The following GTF2E2 variants were observed in gnomAD, a reference collection of about 807,000 sequenced individuals.
GTF2E2 encodes transcription initiation factor IIE subunit beta.
A neutral mutation model predicts 40.5 loss-of-function variants in GTF2E2; 21 were observed. The observed-to-expected ratio is 0.52, with a 90% CI of 0.37 to 0.75. The LOEUF (loss-of-function observed/expected upper bound fraction) is 0.75. GTF2E2 is among the 30% of genes least tolerant of loss of function. The pLI is 0.00. For synonymous variants in GTF2E2, 117 were observed against 121.6 expected (o/e 0.96, Z 0.25); for missense variants, 298 against 338.4 (o/e 0.88, Z 0.94).
At chr8:30,629,308 T>G (rs752583008) in intron 3 of GTF2E2, among the ~76,000 whole-genome samples, 2 of 152,196 alleles carry the variant, frequency 1.3e-5, no homozygotes, top group Non-Finnish European at 2.9e-5. Flanking sequence ...CCAGAGTTTC[T>G]AAATTCAAAA....
chr8:30,647,039 T>C (rs1197537826), intron 2 of GTF2E2, among the ~76,000 whole-genome samples: 4 of 147,368 alleles, frequency 2.7e-5, no homozygotes, highest in African/African-American at 1.0e-4. Context: ...AGACAAGTAT[T>C]TAAAAGTAAA....
intron 3 of GTF2E2, among the ~76,000 whole-genome samples, chr8:30,632,873 T>C (rs1462029491): frequency 6.6e-6 from 1 of 152,206 alleles, no homozygotes; most frequent in Non-Finnish European, 1.5e-5. Flanking sequence ...AAGATTCTGA[T>C]ATCACAAAAT....
chr8:30,649,097 G>T (rs1302423441), intron 2 of GTF2E2, among the ~76,000 whole-genome samples: 1 of 151,946 alleles, frequency 6.6e-6, no homozygotes, highest in South Asian at 2.1e-4. Context: ...TTACATTTTT[G>T]TTTATGATGA....
chr8:30,593,753 A>C (rs1213507017), intron 6 of GTF2E2, among the ~76,000 whole-genome samples: 1 of 152,136 alleles, frequency 6.6e-6, no homozygotes, highest in East Asian at 1.9e-4. Flanking sequence ...AAGTGCTGGG[A>C]TCACAGGTGT....
intron 2 of GTF2E2, chr8:30,645,957 T>TA (rs1802059781): frequency 5.8e-6 from 1 of 172,344 alleles, no homozygotes; most frequent in Non-Finnish European, 1.2e-5. Flanking sequence ...AGACAAAAAA[T>TA]AGTGTGTTGG....
At chr8:30,625,662 G>A (rs1236500242) in intron 3 of GTF2E2, among the ~76,000 whole-genome samples, 3 of 152,052 alleles carry the variant, frequency 2.0e-5, no homozygotes, top group African/African-American at 4.8e-5. Context: ...ACAGTGGCAC[G>A]ATCTCGGCTC....
intron 2 of GTF2E2, chr8:30,645,586 G>A: frequency 2.0e-6 from 3 of 1,535,546 alleles, no homozygotes; most frequent in Non-Finnish European, 2.6e-6. Flanking sequence ...ACGTGAAACT[G>A]AAGTGGTCTA....
intron 5 of GTF2E2, among the ~76,000 whole-genome samples, chr8:30,608,791 C>T (rs2151125765): frequency 6.6e-6 from 1 of 152,334 alleles, no homozygotes; most frequent in South Asian, 2.1e-4. Context: ...ACTCTGTCAA[C>T]CAGGCTGGAG....
intron 3 of GTF2E2, among the ~76,000 whole-genome samples, chr8:30,624,692 C>G (rs912913596): frequency 5.9e-5 from 9 of 151,964 alleles, no homozygotes; most frequent in Non-Finnish European, 1.0e-4. Context: ...TTTCATTGAG[C>G]AGTGGTTTGT....
rs1373700874 is a variant in GTF2E2 at position 30,580,360 on chromosome 8, G to A, written c.680C>T (p.Ser227Phe). Residue 227 changes from serine to phenylalanine, a missense_variant, in exon 7 of 8, where the codon TCC becomes TTC. By Grantham distance (155) the Ser-to-Phe change is radical. Coordinates refer to ENST00000355904, the MANE Select transcript of GTF2E2 (RefSeq NM_002095.6). ...QKLWRSVTVD[S>F]MDEEKIEEYL... is the part of the protein sequence containing the mutation. ...TTCTTCAATTTTCTCCTCGTCCATGGAATCTACAGTGACACTCCTCCACAG... is the reference window on the plus strand; with the variant it reads ...TTCTTCAATTTTCTCCTCGTCCATGAAATCTACAGTGACACTCCTCCACAG... 1.2e-6 allele frequency: 2 copies of A among 1,603,246 alleles called. No individual in the cohort carries two copies. Among genetic ancestry groups the A allele is most frequent in the African/African-American group, 1.3e-5 (1 of 74,692 alleles).
intron 3 of GTF2E2, among the ~76,000 whole-genome samples, chr8:30,615,864 TC>T (rs1232823388): frequency 2.0e-5 from 3 of 152,132 alleles, no homozygotes; most frequent in Non-Finnish European, 2.9e-5. Flanking sequence ...CATACAAAAA[TC>T]CACTAAGGAT....
intron 3 of GTF2E2, among the ~76,000 whole-genome samples, chr8:30,626,244 T>C (rs925253759): frequency 6.6e-6 from 1 of 152,198 alleles, no homozygotes; most frequent in African/African-American, 2.4e-5. Context: ...CCCACCACTT[T>C]GGGAGGCCAA....
chr8:30,586,107 G>T (rs1828674868), intron 6 of GTF2E2, among the ~76,000 whole-genome samples: 1 of 152,176 alleles, frequency 6.6e-6, no homozygotes, highest in South Asian at 2.1e-4. Context: ...ACCAAATGCA[G>T]AATCTCAACG....
At chr8:30,650,522 T>A (rs975946830) in intron 2 of GTF2E2, among the ~76,000 whole-genome samples, 2 of 82,682 alleles carry the variant, frequency 2.4e-5, no homozygotes, top group Non-Finnish European at 4.6e-5. Context: ...AAACCCCATC[T>A]CTACCAAAAA....
intron 3 of GTF2E2, among the ~76,000 whole-genome samples, chr8:30,620,826 G>C (rs1239164187): frequency 6.6e-6 from 1 of 151,888 alleles, no homozygotes; most frequent in Non-Finnish European, 1.5e-5. Context: ...CTGCTGAAGA[G>C]GCTGAGGCAG....
At position 30,585,156 on chromosome 8, in the gene GTF2E2, A is replaced by T. The variant is rs567335111; in HGVS notation, c.644-4760T>A. ...AGCCGAGATCACGCCATTGCACTCC[A>T]GCCTGGGCAACAAGAGCGAAACTCC... On this transcript the variant is annotated intron_variant, in intron 6 of 7. Transcript: ENST00000355904. The T allele has an allele frequency of 2.0e-5, 3 of 153,028 alleles. No homozygotes were observed. In the East Asian group the frequency reaches 5.8e-4, roughly 29 times the overall value. 9.5% of individuals were successfully genotyped at this position (153,028 alleles called of 1,614,324 possible). A position where few individuals can be genotyped will look rare whatever the true frequency, so the allele number is the denominator to read the frequency against.
At chr8:30,612,078 T>C (rs955037576) in intron 5 of GTF2E2, among the ~76,000 whole-genome samples, 2 of 152,140 alleles carry the variant, frequency 1.3e-5, no homozygotes, top group Non-Finnish European at 2.9e-5. Flanking sequence ...AACAATCATA[T>C]AGTAACAGCA....
At chr8:30,634,791 A>T (rs1352596950) in intron 3 of GTF2E2, among the ~76,000 whole-genome samples, 1 of 152,224 alleles carries the variant, frequency 6.6e-6, no homozygotes, top group Non-Finnish European at 1.5e-5. Context: ...TGAAATGGTG[A>T]GCTTAAACTG....
intron 2 of GTF2E2, chr8:30,637,030 CA>C: frequency 2.5e-6 from 1 of 406,442 alleles, no homozygotes; most frequent in Non-Finnish European, 4.8e-6. Flanking sequence ...TAATCCCTCC[CA>C]AAAAATCCAA....
Sources: allele counts gnomAD v4.1 joint callset (sites outside exome capture counted in the v4.1 genomes callset), GRCh38; gene constraint gnomAD v4.1.1; transcripts MANE v1.5; gene names NCBI Gene and HGNC (gene_info 2026-07-23, HGNC 2026-07-21).